HMG20A: variants seen among roughly 807,000 people sequenced by gnomAD.
HMG20A encodes high mobility group protein 20A.
HMG20A carries 17 observed loss-of-function variants against 43.9 expected under a neutral mutation model. The observed-to-expected ratio is 0.39, with a 90% CI of 0.27 to 0.58. The LOEUF is 0.58. Among genes scored for constraint, HMG20A ranks in the 20% least tolerant of loss-of-function variants. The probability of loss-of-function intolerance (pLI) is 0.59; values close to 1 mark genes in which losing one functional copy is unlikely to be tolerated. For synonymous variants in HMG20A, 132 were observed against 147.5 expected (o/e 0.89, Z 0.76); for missense variants, 341 against 438.2 (o/e 0.78, Z 1.98).
rs761200434 is a variant in HMG20A at position 77,470,944 on chromosome 15, G to A, written c.485G>A (p.Arg162His). ...GATGAAGCAGACAGAGATAAGGAGCGTTACATGAAGGAACTGGAACAGTAT... is the reference window on the plus strand; with the variant it reads ...GATGAAGCAGACAGAGATAAGGAGCATTACATGAAGGAACTGGAACAGTAT... ...YLDEADRDKERYMKELEQYQK... is the reference protein window; with the variant it reads ...YLDEADRDKEHYMKELEQYQK... The change falls in exon 5 of 10, where the codon CGT (arginine) becomes CAT (histidine). Residue 162 changes from arginine to histidine, a missense_variant. Arg to His is a conservative substitution (Grantham distance 29). Transcript: ENST00000336216. The A allele has an allele frequency of 3.1e-6, 5 of 1,610,028 alleles. No homozygotes were observed. The highest frequency in any genetic ancestry group is 2.2e-5 in the East Asian group (1 of 44,488).
chr15:77,471,834 C>T lies in HMG20A; in HGVS notation c.615+20C>T, dbSNP rs2072812039. The T allele has an allele frequency of 1.4e-6, 2 of 1,417,212 alleles. No homozygotes were observed. The highest frequency in any genetic ancestry group is 2.9e-5 in the African/African-American group (2 of 68,772). The allele number at this position is 1,417,212 out of a possible 1,614,324, so 87.8% of individuals were successfully genotyped here. A position where few individuals can be genotyped will look rare whatever the true frequency, so the allele number is the denominator to read the frequency against. ...CATGAGGTAATTAGCCATCTGTCTA[C>T]ATATCATATATATGTATTTATAATA... On this transcript the variant is annotated intron_variant, in intron 6 of 9. Transcript: ENST00000336216.
At position 77,458,520 on chromosome 15, in the gene HMG20A, G is replaced by A. The variant is rs764706028; in HGVS notation, c.89+24G>A. 2.0e-6 allele frequency: 3 copies of A among 1,502,310 alleles called. No individual in the cohort carries two copies. In the South Asian group the frequency reaches 3.4e-5, roughly 17 times the overall value. 93.1% of individuals were successfully genotyped at this position (1,502,310 alleles called of 1,614,324 possible). A position where few individuals can be genotyped will look rare whatever the true frequency, so the allele number is the denominator to read the frequency against. The stretch of plus-strand genomic sequence containing the variant: ...GGGTAAGCAGCTGCTTTAGGACACT[G>A]GACTTCTCCATAGGCCTCAAAACAA... On this transcript the variant is annotated intron_variant, in intron 2 of 9. Transcript: ENST00000336216.
Position 77,479,176 on chromosome 15 carries a change from C to T in HMG20A, c.908-3C>T, listed in dbSNP as rs765800788. On this transcript the variant is annotated splice_region_variant and splice_polypyrimidine_tract_variant and intron_variant, in intron 8 of 9. Transcript: ENST00000336216. The stretch of plus-strand genomic sequence containing the variant: ...TTCTTACTTTCTTCTTATCTCACTT[C>T]AGGAAGTGGAGAGACACCTACAGTG... 1.2e-6 allele frequency: 2 copies of T among 1,613,130 alleles called. No individual in the cohort carries two copies. The highest frequency in any genetic ancestry group is 1.7e-6 in the Non-Finnish European group (2 of 1,179,156).
chr15:77,424,279 G>A (rs1278429692), intron 1 of HMG20A, among the ~76,000 whole-genome samples: 1 of 152,120 alleles, frequency 6.6e-6, no homozygotes, highest in Non-Finnish European at 1.5e-5. Context: ...ATTGATACAT[G>A]TATCATTTTC....
chr15:77,447,443 A>G (rs2073686675), intron 1 of HMG20A, among the ~76,000 whole-genome samples: 1 of 152,168 alleles, frequency 6.6e-6, no homozygotes, highest in Non-Finnish European at 1.5e-5. Context: ...CCGTCCTAAT[A>G]TTGACAGTTC....
At chr15:77,424,113 T>C (rs1310460350) in intron 1 of HMG20A, among the ~76,000 whole-genome samples, 1 of 152,212 alleles carries the variant, frequency 6.6e-6, no homozygotes, top group Non-Finnish European at 1.5e-5. Context: ...ATAAGATCTA[T>C]GTTATGATCG....
Position 77,420,895 on chromosome 15 carries a change from AGAC to A in HMG20A, c.-108_-106del. ...GCGGAAGAATTTTTGTCCAGCTGTG[AGAC>A]GACGAGTGCGTGAAGTGAAGGCGAT... is the stretch of plus-strand genomic sequence containing the variant. On this transcript the variant is annotated 5_prime_UTR_variant, in exon 1 of 10. Coordinates refer to ENST00000336216, the MANE Select transcript of HMG20A (RefSeq NM_001304504.2). 2 of 398,800 alleles carry A rather than the reference AGAC, an allele frequency of 5.0e-6. No homozygotes were observed. The highest frequency in any genetic ancestry group is 3.6e-5 in the East Asian group (1 of 28,084). 24.7% of individuals were successfully genotyped at this position (398,800 alleles called of 1,614,324 possible). A position where few individuals can be genotyped will look rare whatever the true frequency, so the allele number is the denominator to read the frequency against.
At chr15:77,502,642 C>T in the HMG20A span, among the ~76,000 whole-genome samples, 1 of 152,096 alleles carries the variant, frequency 6.6e-6, no homozygotes, top group Non-Finnish European at 1.5e-5. Context: ...GGGCCCAGCA[C>T]AATGCTTAGC....
At chr15:77,422,915 A>G (rs996951540) in intron 1 of HMG20A, among the ~76,000 whole-genome samples, 14 of 152,226 alleles carry the variant, frequency 9.2e-5, no homozygotes, top group South Asian at 4.1e-4. Flanking sequence ...TATCTTCTAT[A>G]TTAATGTAAT....
chr15:77,499,887 C>A, the HMG20A span, among the ~76,000 whole-genome samples: 15 of 151,374 alleles, frequency 9.9e-5, no homozygotes, highest in African/African-American at 3.6e-4. Context: ...TGGAGTGCAG[C>A]AGCACGATCC....
At chr15:77,489,418 C>T (rs1245629854), downstream of HMG20A, among the ~76,000 whole-genome samples, 3 of 152,284 alleles carry the variant, frequency 2.0e-5, no homozygotes, top group African/African-American at 2.4e-5. Flanking sequence ...GCCGTACTGT[C>T]TTAGAGATAA....
At chr15:77,433,900 T>G (rs2073516686) in intron 1 of HMG20A, among the ~76,000 whole-genome samples, 2 of 152,198 alleles carry the variant, frequency 1.3e-5, no homozygotes, top group South Asian at 4.1e-4. Flanking sequence ...ACAAGTTGAT[T>G]CTAAAATTCA....
the HMG20A span, among the ~76,000 whole-genome samples, chr15:77,518,920 G>A: frequency 6.6e-6 from 1 of 152,182 alleles, no homozygotes; most frequent in Non-Finnish European, 1.5e-5. Flanking sequence ...CACAAAGATG[G>A]TTTGTCTATT....
At chr15:77,519,049 G>T in the HMG20A span, among the ~76,000 whole-genome samples, 4 of 152,126 alleles carry the variant, frequency 2.6e-5, no homozygotes, top group Non-Finnish European at 4.4e-5. Context: ...AAACCAGCCC[G>T]GGTCACGCAG....
Position 77,458,379 on chromosome 15 carries a change from T to A in HMG20A, c.-4-25T>A. 5 of 1,509,930 alleles carry A rather than the reference T, an allele frequency of 3.3e-6. No individual in the cohort carries two copies. In the South Asian group the frequency reaches 5.7e-5, roughly 17 times the overall value. The allele number at this position is 1,509,930 out of a possible 1,614,324, so 93.5% of individuals were successfully genotyped here. On this transcript the variant is annotated intron_variant, in intron 1 of 9. Transcript: ENST00000336216. Reference sequence around the variant, plus strand: ...AATGGAAGTAATTAAGCCATTAATTTTTTTTTATTCTCTTTTCCTTTCAGA... The same window carrying A: ...AATGGAAGTAATTAAGCCATTAATTATTTTTTATTCTCTTTTCCTTTCAGA...
downstream of HMG20A, among the ~76,000 whole-genome samples, chr15:77,490,182 G>A (rs1484592249): frequency 6.6e-6 from 1 of 152,172 alleles, no homozygotes. Context: ...CAGCTACTCA[G>A]GAGTCTGAGG....
intron 9 of HMG20A, among the ~76,000 whole-genome samples, chr15:77,481,417 G>C (rs1158621285): frequency 6.6e-6 from 1 of 152,186 alleles, no homozygotes. Context: ...TAGCACTCTT[G>C]TAGGCTTGAA....
intron 9 of HMG20A, among the ~76,000 whole-genome samples, chr15:77,481,246 A>G (rs80115378): frequency 2.6e-3 from 395 of 152,346 alleles, no homozygotes; most frequent in African/African-American, 9.2e-3. Context: ...TCTAGGGAGT[A>G]GCCAGATGGA....
intron 1 of HMG20A, among the ~76,000 whole-genome samples, chr15:77,423,049 G>A (rs1380089129): frequency 1.3e-5 from 2 of 152,184 alleles, no homozygotes; most frequent in Non-Finnish European, 2.9e-5. Context: ...AATACTGATT[G>A]AGATAGAGTA....
Sources: gnomAD v4.1 joint callset for allele counts (sites outside exome capture counted in the v4.1 genomes callset) on GRCh38, gnomAD v4.1.1 for gene constraint, MANE v1.5 for transcripts, NCBI Gene and HGNC (gene_info 2026-07-23, HGNC 2026-07-21) for gene names.